Variants in NT5DC4 observed in about 807,000 individuals in gnomAD.
NT5DC4 encodes the protein 5'-nucleotidase domain containing 4, also known as 5'-nucleotidase domain-containing protein 4.
Under a neutral mutation model 26.6 loss-of-function variants are expected in NT5DC4, and 44 were observed. The ratio of observed to expected loss-of-function variants is 1.65; its 90% CI spans 1.30 to 2.13. The LOEUF (loss-of-function observed/expected upper bound fraction) is 2.13, where lower values mean the gene tolerates loss of function less well. Among genes scored for constraint, NT5DC4 ranks in the 30% most tolerant of loss-of-function variants. The pLI is 0.00. For synonymous variants in NT5DC4, 157 were observed against 86.7 expected (o/e 1.81, Z -4.51); for missense variants, 399 against 228.1 (o/e 1.75, Z -4.83).
chr2:112,734,267 CAG>C (rs1678819278), intron 16 of NT5DC4, among the ~76,000 whole-genome samples: 2 of 150,014 alleles, frequency 1.3e-5, no homozygotes, highest in African/African-American at 4.9e-5. Context: ...TGAGAAAAAA[CAG>C]AATTTATTGG....
intron 13 of NT5DC4, 126 bp downstream of exon 13, chr2:112,725,678 G>T (rs1190489271): frequency 3.6e-6 from 2 of 549,758 alleles, no homozygotes; most frequent in East Asian, 2.8e-5. Context: ...CCACTCTGTT[G>T]TTTCTGAGGG....
chr2:112,738,656 C>T, intron 16 of NT5DC4: 1 of 607,762 alleles, frequency 1.6e-6, no homozygotes, highest in South Asian at 2.1e-5. Flanking sequence ...CAAAGATTTT[C>T]CCATGGGGAG....
rs1195501588 is a variant in NT5DC4 at position 112,724,800 on chromosome 2, C to T, written c.809C>T (p.Pro270Leu). 1 of 717,100 alleles carries T rather than the reference C, an allele frequency of 1.4e-6. No homozygotes were observed. Among genetic ancestry groups the T allele is most frequent in the Non-Finnish European group, 2.6e-6 (1 of 384,996 alleles). The allele number at this position is 717,100 out of a possible 1,614,324, so 44.4% of individuals were successfully genotyped here. A position where few individuals can be genotyped will look rare whatever the true frequency, so the allele number is the denominator to read the frequency against. Residue 270 changes from proline to leucine, a missense_variant, in exon 11 of 17, where the codon CCC becomes CTC. By Grantham distance (98) the Pro-to-Leu change is moderately conservative. Transcript: ENST00000688554. ...SISEAEASGR[P>L]WRSYFDLIVV... Reference sequence around the variant, plus strand: ...CAACAGGCTGAAGCCTCGGGCAGGCCCTGGAGGTCCTACTTTGACCTGATC... The same window carrying T: ...CAACAGGCTGAAGCCTCGGGCAGGCTCTGGAGGTCCTACTTTGACCTGATC...
upstream of NT5DC4, among the ~76,000 whole-genome samples, chr2:112,719,974 C>CCTTCTTTCTTTT (rs1676729925): frequency 3.8e-5 from 3 of 79,670 alleles, no homozygotes; most frequent in Non-Finnish European, 7.7e-5. Context: ...TTCTTTCTTT[C>CCTTCTTTCTTTT]TTTCTTTCTT....
Position 112,724,117 on chromosome 2 carries a change from C to T in NT5DC4, c.780C>T (p.Ser260=), listed in dbSNP as rs1309421231. Residue 260 remains serine, a synonymous_variant, in exon 10 of 17, where the codon AGC becomes AGT. Transcript: ENST00000688554. ...AGGCCATCATGACCTACCTGTTCAG[C>T]ATCAGTGAGGTGAGTGTTGGAGTGT... ...YTNAIMTYLF[S]ISEAEASGRP... 1.4e-6 allele frequency: 1 copy of T among 717,206 alleles called. No homozygotes were observed. Among genetic ancestry groups the T allele is most frequent in the African/African-American group, 1.7e-5 (1 of 57,362 alleles). 44.4% of individuals were successfully genotyped at this position (717,206 alleles called of 1,614,324 possible). A position where few individuals can be genotyped will look rare whatever the true frequency, so the allele number is the denominator to read the frequency against.
downstream of NT5DC4, among the ~76,000 whole-genome samples, chr2:112,741,581 G>C (rs1461019056): frequency 6.6e-6 from 1 of 152,208 alleles, no homozygotes; most frequent in African/African-American, 2.4e-5. Context: ...GGTCAATAGG[G>C]TGCAACAAAG....
rs1235468673 is a variant in NT5DC4 at position 112,723,143 on chromosome 2, T to C, written c.590T>C (p.Val197Ala). The C allele has an allele frequency of 1.5e-5, 11 of 717,268 alleles. No homozygotes were observed. The South Asian group carries it at 1.6e-4, about 11-fold the overall frequency. 44.4% of individuals were successfully genotyped at this position (717,268 alleles called of 1,614,324 possible). ...TCCTTCCGAAGCCTCTTCCAGGATG[T>C]GACTGATGCCATGAATAACATCCAC... ...FMSFRSLFQD[V>A]TDAMNNIHQS... The change falls in exon 7 of 17, where the codon GTG becomes GCG. Residue 197 changes from valine (V) to alanine (A), a missense_variant. Transcript: ENST00000688554.
chr2:112,728,389 C>T (rs150597908), intron 15 of NT5DC4, among the ~76,000 whole-genome samples: 13 of 152,190 alleles, frequency 8.5e-5, no homozygotes, highest in Admixed American at 2.0e-4. Flanking sequence ...TCTGGGAGAC[C>T]GGAGGATGCT....
At chr2:112,741,063 A>T, downstream of NT5DC4, 6 of 1,150,890 alleles carry the variant, frequency 5.2e-6, no homozygotes, top group Non-Finnish European at 7.7e-6. Context: ...TACTTCAACT[A>T]GAAGTCAATA....
chr2:112,724,249 G>A (rs1262847465), intron 10 of NT5DC4, 123 bp downstream of exon 10: 6 of 694,958 alleles, frequency 8.6e-6, no homozygotes, highest in South Asian at 1.5e-5. Context: ...AGACCTGAGT[G>A]TGTGAGTGGT....
chr2:112,725,438 A>ACACAGC lies in NT5DC4; in HGVS notation c.1039_1040insCACAGC (p.Ile347delinsThrGlnLeu). 1 of 717,126 alleles carries ACACAGC rather than the reference A, an allele frequency of 1.4e-6. No homozygotes were observed. Among genetic ancestry groups the ACACAGC allele is most frequent in the Non-Finnish European group, 2.6e-6 (1 of 384,956 alleles). The allele number at this position is 717,126 out of a possible 1,614,324, so 44.4% of individuals were successfully genotyped here. A position where few individuals can be genotyped will look rare whatever the true frequency, so the allele number is the denominator to read the frequency against. On this transcript the variant is annotated protein_altering_variant, in exon 13 of 17. Transcript: ENST00000688554. ...GGTTCGGGGGATGGACATCCTGTAC[A>ACACAGC]TTGGGGACCACATTTTTGGGGACAT...
At chr2:112,735,882 C>A (rs1679095768) in intron 16 of NT5DC4, among the ~76,000 whole-genome samples, 1 of 152,154 alleles carries the variant, frequency 6.6e-6, no homozygotes. Flanking sequence ...ATAGTTCAAC[C>A]TACACTGTTA....
intron 5 of NT5DC4, 52 bp downstream of exon 5, chr2:112,722,641 G>A (rs1677051549): frequency 1.4e-6 from 1 of 717,484 alleles, no homozygotes; most frequent in East Asian, 2.7e-5. Flanking sequence ...CGGAGCTGAG[G>A]GTCCCAGCTC....
chr2:112,725,352 C>T lies in NT5DC4; in HGVS notation c.983-30C>T, dbSNP rs72950356. 3,037 of 691,134 alleles carry T rather than the reference C, an allele frequency of 4.4e-3. 63 individuals carry two copies. In the African/African-American group the frequency reaches 0.048, roughly 11 times the overall value. 42.8% of individuals were successfully genotyped at this position (691,134 alleles called of 1,614,324 possible). On this transcript the variant is annotated intron_variant, in intron 12 of 16. Transcript: ENST00000688554. ...CCTACCCCAAGGCAGGAAGGGCAAA[C>T]GAGTGTCTGTCCTCCCCTTGGTGGG...
intron 15 of NT5DC4, among the ~76,000 whole-genome samples, chr2:112,727,717 C>T (rs889660881): frequency 3.3e-5 from 5 of 152,168 alleles, no homozygotes; most frequent in South Asian, 4.1e-4. Flanking sequence ...CCAGAGAGGC[C>T]AGGGTTGCCC....
At chr2:112,723,205 C>T (rs1028369710) in intron 7 of NT5DC4, 31 bp downstream of exon 7, 9 of 717,154 alleles carry the variant, frequency 1.3e-5, no homozygotes, top group African/African-American at 3.5e-5. Context: ...CCCCGGACCC[C>T]TGACCTGTCT....
At chr2:112,733,846 T>C (rs1457162185) in intron 16 of NT5DC4, among the ~76,000 whole-genome samples, 1 of 152,210 alleles carries the variant, frequency 6.6e-6, no homozygotes, top group Non-Finnish European at 1.5e-5. Flanking sequence ...TGATCATTTA[T>C]TTGTAGAATA....
At chr2:112,719,945 TC>T (rs1440491689), upstream of NT5DC4, among the ~76,000 whole-genome samples, 21 of 109,294 alleles carry the variant, frequency 1.9e-4, no homozygotes, top group African/African-American at 7.9e-4. Context: ...TTTCTTTCTT[TC>T]TTTCTTTCTT....
At chr2:112,721,721 C>G in intron 1 of NT5DC4, 97 bp from the exon 2 acceptor site, 1 of 715,916 alleles carries the variant, frequency 1.4e-6, no homozygotes, top group Non-Finnish European at 2.6e-6. Flanking sequence ...AGGGGGTGCT[C>G]TGCCCTCCTC....
Sources: gnomAD v4.1 joint callset for allele counts (sites outside exome capture counted in the v4.1 genomes callset) on GRCh38, gnomAD v4.1.1 for gene constraint, MANE v1.5 for transcripts, NCBI Gene and HGNC (gene_info 2026-07-23, HGNC 2026-07-21) for gene names.